Variants in TNFRSF21 observed in about 807,000 individuals in gnomAD.
TNFRSF21 encodes TNF receptor superfamily member 21.
In TNFRSF21, 19 loss-of-function variants were observed where a neutral mutation model predicts 45.6. The observed-to-expected ratio is 0.42, with a 90% confidence interval of 0.29 to 0.61. TNFRSF21 has a LOEUF of 0.61. Among genes scored for constraint, TNFRSF21 ranks in the 20% least tolerant of loss-of-function variants. TNFRSF21 has a pLI of 0.23. For synonymous variants in TNFRSF21, 314 were observed against 335.5 expected, an observed-to-expected ratio of 0.94 and a Z score of 0.70; for missense variants, 737 against 851.5, an observed-to-expected ratio of 0.87 and a Z score of 1.67.
intron 3 of TNFRSF21, among the ~76,000 whole-genome samples, chr6:47,271,089 C>A (rs1319274600): frequency 6.6e-6 from 1 of 152,190 alleles, no homozygotes; most frequent in Non-Finnish European, 1.5e-5. Context: ...TTGGAAAACA[C>A]TCTTCAGAAT....
chr6:47,253,293 A>G lies in TNFRSF21; in HGVS notation c.1472T>C (p.Val491Ala). Residue 491 changes from valine to alanine, a missense_variant, in exon 4 of 6, where the codon GTG becomes GCG. Physicochemically the swap from Val to Ala is moderately conservative, Grantham distance 64. Transcript: ENST00000296861. ...ALRQHRRNDV[V>A]EKIRGLMEDT... ...TTCCATCAGCCCACGAATCTTCTCC[A>G]CAACATCGTTTCTCCGGTGCTGGCG... 2 of 1,613,692 alleles carry G rather than the reference A, an allele frequency of 1.2e-6. No individual in the cohort carries two copies. Among genetic ancestry groups the G allele is most frequent in the Non-Finnish European group, 1.7e-6 (2 of 1,179,836 alleles).
At position 47,240,673 on chromosome 6, in the gene TNFRSF21, C is replaced by T. The variant is rs536657298; in HGVS notation, c.1510-5775G>A. On this transcript the variant is annotated intron_variant, in intron 4 of 5. Coordinates refer to ENST00000296861, the MANE Select transcript of TNFRSF21 (RefSeq NM_014452.5). ...GATCACATGACCACAGGGCATTGCC[C>T]GAGCCCCTCCGCTAGAGTGAAGTGG... Among the ~76,000 whole-genome samples the T allele has an allele frequency of 5.3e-5, 8 of 152,278 alleles. No homozygotes were observed. The South Asian group carries it at 1.4e-3, about 28-fold the overall frequency.
intron 1 of TNFRSF21, among the ~76,000 whole-genome samples, chr6:47,296,982 C>T (rs578009775): frequency 5.3e-5 from 8 of 152,288 alleles, no homozygotes; most frequent in South Asian, 2.1e-4. Context: ...GATTTACAGT[C>T]GGTCAGGCCG....
chr6:47,260,739 T>G (rs1294012557), intron 3 of TNFRSF21, among the ~76,000 whole-genome samples: 1 of 152,198 alleles, frequency 6.6e-6, no homozygotes, highest in Admixed American at 6.5e-5. Context: ...TGCCTGGAAC[T>G]ATACAACATA....
At chr6:47,272,005 G>T (rs1762428131) in intron 3 of TNFRSF21, among the ~76,000 whole-genome samples, 2 of 152,168 alleles carry the variant, frequency 1.3e-5, no homozygotes, top group African/African-American at 4.8e-5. Context: ...GGAGCACCCA[G>T]ATTCATAAAG....
chr6:47,296,780 A>G (rs1198213737), intron 1 of TNFRSF21, among the ~76,000 whole-genome samples: 1 of 152,134 alleles, frequency 6.6e-6, no homozygotes, highest in East Asian at 1.9e-4. Context: ...ACCTTGCCCT[A>G]TGCATTTCCT....
At chr6:47,263,438 A>G (rs947741206) in intron 3 of TNFRSF21, among the ~76,000 whole-genome samples, 1 of 152,096 alleles carries the variant, frequency 6.6e-6, no homozygotes, top group Non-Finnish European at 1.5e-5. Context: ...AGGGAGAGAG[A>G]GTGTGTACAT....
At chr6:47,288,817 C>T (rs191740462) in intron 1 of TNFRSF21, among the ~76,000 whole-genome samples, 5 of 152,254 alleles carry the variant, frequency 3.3e-5, no homozygotes, top group Non-Finnish European at 5.9e-5. Flanking sequence ...AAAACAGAGG[C>T]GGGCCCTTGG....
chr6:47,238,417 A>G (rs1582313456), intron 4 of TNFRSF21, among the ~76,000 whole-genome samples: 2 of 152,272 alleles, frequency 1.3e-5, no homozygotes, highest in South Asian at 4.1e-4. Flanking sequence ...TACTGCCATG[A>G]CATAATCCTA....
At chr6:47,238,970 T>C (rs1322309337) in intron 4 of TNFRSF21, among the ~76,000 whole-genome samples, 2 of 152,086 alleles carry the variant, frequency 1.3e-5, no homozygotes, top group East Asian at 3.8e-4. Flanking sequence ...AAGTACCCAC[T>C]CTGGATGCTT....
intron 1 of TNFRSF21, among the ~76,000 whole-genome samples, chr6:47,289,082 A>G (rs1561950807): frequency 6.6e-6 from 1 of 152,246 alleles, no homozygotes; most frequent in Non-Finnish European, 1.5e-5. Context: ...GTTTTTCTGC[A>G]TTAATGAATA....
chr6:47,276,801 A>G (rs1762504931), intron 3 of TNFRSF21, among the ~76,000 whole-genome samples: 1 of 152,220 alleles, frequency 6.6e-6, no homozygotes, highest in Admixed American at 6.5e-5. Flanking sequence ...TTTATATCCA[A>G]GTCTAAAGCC....
chr6:47,264,167 A>G (rs556558479), intron 3 of TNFRSF21, among the ~76,000 whole-genome samples: 2 of 152,198 alleles, frequency 1.3e-5, no homozygotes, highest in Non-Finnish European at 2.9e-5. Context: ...TTTGCTTTTC[A>G]ATATCCCAAA....
Position 47,309,657 on chromosome 6 carries a change from G to A in TNFRSF21, c.-146C>T. On this transcript the variant is annotated 5_prime_UTR_variant, in exon 1 of 6. Transcript: ENST00000296861. ...CACCCCATGTGCACTGCTGCGGCCG[G>A]GCAGAGGAGGGAGGCGGCAAGGGAG... 1.7e-6 allele frequency: 2 copies of A among 1,192,274 alleles called. No individual in the cohort carries two copies. Among genetic ancestry groups the A allele is most frequent in the Non-Finnish European group, 2.2e-6 (2 of 921,820 alleles). 73.9% of individuals were successfully genotyped at this position (1,192,274 alleles called of 1,614,324 possible). A position where few individuals can be genotyped will look rare whatever the true frequency, so the allele number is the denominator to read the frequency against.
At chr6:47,298,446 C>G (rs1439927583) in intron 1 of TNFRSF21, among the ~76,000 whole-genome samples, 1 of 151,952 alleles carries the variant, frequency 6.6e-6, no homozygotes, top group Non-Finnish European at 1.5e-5. Flanking sequence ...AAGACCCTGT[C>G]CCAAATTAAA....
chr6:47,293,128 T>C (rs2113867400), intron 1 of TNFRSF21, among the ~76,000 whole-genome samples: 1 of 152,350 alleles, frequency 6.6e-6, no homozygotes, highest in South Asian at 2.1e-4. Flanking sequence ...TTTCTGTTCA[T>C]CATATTGGTG....
chr6:47,249,564 G>A (rs778385690), intron 4 of TNFRSF21, among the ~76,000 whole-genome samples: 7 of 152,158 alleles, frequency 4.6e-5, no homozygotes, highest in Non-Finnish European at 1.0e-4. Context: ...TGAAGCTCCA[G>A]GAGGAAGGTA....
intron 1 of TNFRSF21, among the ~76,000 whole-genome samples, chr6:47,299,741 T>C (rs73473693): frequency 0.063 from 9,510 of 152,112 alleles, 1,069 homozygotes; most frequent in African/African-American, 0.22. Context: ...CCCTGACATA[T>C]CTATATTAAA....
chr6:47,240,011 CTT>C (rs1351308978), intron 4 of TNFRSF21, among the ~76,000 whole-genome samples: 2 of 152,176 alleles, frequency 1.3e-5, no homozygotes, highest in African/African-American at 4.8e-5. Context: ...TAATTAATGA[CTT>C]TGATGCATCA....
Sources: allele counts gnomAD v4.1 joint callset (sites outside exome capture counted in the v4.1 genomes callset), GRCh38; gene constraint gnomAD v4.1.1; transcripts MANE v1.5; gene names NCBI Gene and HGNC (gene_info 2026-07-23, HGNC 2026-07-21).